FANCD2: variants seen among roughly 807,000 people sequenced by gnomAD.
The protein encoded by FANCD2 is FA complementation group D2.
A neutral mutation model predicts 192.3 loss-of-function variants in FANCD2; 131 were observed. The ratio of observed to expected loss-of-function variants is 0.68; its 90% CI spans 0.59 to 0.79. The LOEUF (loss-of-function observed/expected upper bound fraction) is 0.79, where lower values mean the gene tolerates loss of function less well. FANCD2 is among the 30% of genes least tolerant of loss of function. FANCD2 has a pLI of 0.00. For synonymous variants in FANCD2, 524 were observed against 612.5 expected (o/e 0.86, Z 2.13); for missense variants, 1,508 against 1,701.6 (o/e 0.89, Z 2.00).
At chr3:10,098,867 A>G (rs1460832556) in intron 43 of FANCD2, 52 bp downstream of exon 43, 2 of 1,614,168 alleles carry the variant, frequency 1.2e-6, no homozygotes, top group South Asian at 2.2e-5. Context: ...CATTTTGTTA[A>G]TTGTTCTAAG....
At chr3:10,064,081 T>C (rs2087645511) in intron 21 of FANCD2, among the ~76,000 whole-genome samples, 170 bp downstream of exon 21, 1 of 152,210 alleles carries the variant, frequency 6.6e-6, no homozygotes, top group African/African-American at 2.4e-5. Context: ...CTCTGAGGGC[T>C]CCTTCACTTA....
chr3:10,035,412 C>T (rs1023440286), intron 6 of FANCD2, among the ~76,000 whole-genome samples, 179 bp downstream of exon 6: 1 of 152,180 alleles, frequency 6.6e-6, no homozygotes, highest in Non-Finnish European at 1.5e-5. Context: ...TGTTTTAAAA[C>T]TGTGCTTATT....
chr3:10,040,374 G>C (rs772312489), intron 9 of FANCD2: 1 of 413,572 alleles, frequency 2.4e-6, no homozygotes, highest in Non-Finnish European at 4.8e-6. Flanking sequence ...TGTTATGAGC[G>C]TGAAGTCTGG....
At chr3:10,069,912 C>T (rs1693091729) in intron 26 of FANCD2, among the ~76,000 whole-genome samples, 1 of 151,980 alleles carries the variant, frequency 6.6e-6, no homozygotes, top group African/African-American at 2.4e-5. Flanking sequence ...AGCGTCTCTG[C>T]CTGGCCGCCC....
At position 10,074,646 on chromosome 3, in the gene FANCD2, C is replaced by T. The variant is rs1011595541; in HGVS notation, c.2832C>T (p.Phe944=). Residue 944 remains phenylalanine (F), a synonymous_variant, in exon 29 of 44, where the codon TTC becomes TTT. Transcript: ENST00000675286. Reference sequence around the variant, plus strand: ...TACATTGTGGACTTGTGACGAAGTTCATCTTAGATACTGAAATGCACACTG... The same window carrying T: ...TACATTGTGGACTTGTGACGAAGTTTATCTTAGATACTGAAATGCACACTG... ...SILHCGLVTK[F]ILDTEMHTEA... is the part of the protein sequence containing the mutation. 6.2e-7 allele frequency: 1 copy of T among 1,613,644 alleles called. No homozygotes were observed. The highest frequency in any genetic ancestry group is 1.3e-5 in the African/African-American group (1 of 74,886).
chr3:10,051,405 AAACAAAAAG>A lies in FANCD2; in HGVS notation c.1546-981_1546-973del, dbSNP rs1458347350. On this transcript the variant is annotated intron_variant, in intron 17 of 43. Coordinates refer to ENST00000675286, the MANE Select transcript of FANCD2 (RefSeq NM_001018115.3). The stretch of plus-strand genomic sequence containing the variant: ...CAAAAAAAAAAAAAAAAAAAAAAAA[AAACAAAAAG>A]GAGTGAGGGATTTATCTCCCAGTGT... Among the ~76,000 whole-genome samples, 21 of 10,376 alleles carry A rather than the reference AAACAAAAAG, an allele frequency of 2.0e-3. 3 individuals carry two copies. The African/African-American group carries it at 0.021, about 11-fold the overall frequency. 6.8% of individuals were successfully genotyped at this position (10,376 alleles called of 152,430 possible). A position where few individuals can be genotyped will look rare whatever the true frequency, so the allele number is the denominator to read the frequency against.
chr3:10,093,368 G>T, intron 39 of FANCD2, 45 bp downstream of exon 39: 1 of 1,495,604 alleles, frequency 6.7e-7, no homozygotes, highest in Non-Finnish European at 9.3e-7. Flanking sequence ...TCTTCCTGTG[G>T]ATCACTCTAG....
At chr3:10,099,996 G>C (rs1296870310) in intron 43 of FANCD2, among the ~76,000 whole-genome samples, 2 of 152,010 alleles carry the variant, frequency 1.3e-5, no homozygotes, top group African/African-American at 4.8e-5. Context: ...AGAATTTCAA[G>C]ACCAACCCGA....
chr3:10,078,295 T>G (rs2125054921), intron 30 of FANCD2, 98 bp downstream of exon 30: 3 of 794,982 alleles, frequency 3.8e-6, no homozygotes, highest in East Asian at 2.5e-5. Context: ...GCATTGTGTT[T>G]GGGTCACTGG....
In FANCD2 at chr3:10,062,177, A is replaced by G; in HGVS notation, c.1793A>G (p.Glu598Gly). Residue 598 changes from glutamate (E) to glycine (G), a missense_variant, in exon 20 of 44, where the codon GAG becomes GGG. Physicochemically the swap from Glu to Gly is moderately conservative, Grantham distance 98 (BLOSUM62 -2). Transcript: ENST00000675286. The stretch of plus-strand genomic sequence containing the variant: ...AGTGAATCACCTAGTTTGACCCAAG[A>G]GAGAGCCAACCTGAGCGATGAGCAG... ...DRSESPSLTQ[E>G]RANLSDEQCT... 6.2e-7 allele frequency: 1 copy of G among 1,613,276 alleles called. No individual in the cohort carries two copies. The highest frequency in any genetic ancestry group is 8.5e-7 in the Non-Finnish European group (1 of 1,179,628).
intron 26 of FANCD2, among the ~76,000 whole-genome samples, chr3:10,071,762 T>G (rs565703707): frequency 1.3e-5 from 2 of 152,242 alleles, no homozygotes; most frequent in South Asian, 4.2e-4. Flanking sequence ...TAAGATCTAG[T>G]TGTTTTTGTA....
intron 17 of FANCD2, among the ~76,000 whole-genome samples, chr3:10,050,067 A>C (rs2087150411): frequency 6.6e-6 from 1 of 152,228 alleles, no homozygotes; most frequent in Non-Finnish European, 1.5e-5. Context: ...CCCATGTTGC[A>C]AAGAGTCTCA....
chr3:10,033,238 T>C (rs2086646462), intron 3 of FANCD2, among the ~76,000 whole-genome samples: 1 of 152,086 alleles, frequency 6.6e-6, no homozygotes, highest in South Asian at 2.1e-4. Context: ...ACGTCTCTAC[T>C]AAAATATAAA....
At chr3:10,042,697 GCA>G in intron 11 of FANCD2, 34 bp downstream of exon 11, 1 of 1,538,760 alleles carries the variant, frequency 6.5e-7, no homozygotes. Flanking sequence ...CCTAGATAAA[GCA>G]ACTTAAGTGC....
chr3:10,064,317 C>G, intron 21 of FANCD2, 39 bp from the exon 22 acceptor site: 1 of 1,348,174 alleles, frequency 7.4e-7, no homozygotes, highest in Non-Finnish European at 1.1e-6. Context: ...ACAGCAAGTA[C>G]ACTCTGCACT....
chr3:10,066,925 A>G (rs546426417), intron 25 of FANCD2, among the ~76,000 whole-genome samples: 16 of 152,130 alleles, frequency 1.1e-4, no homozygotes, highest in African/African-American at 3.6e-4. Flanking sequence ...GGCTTTCACC[A>G]TGTTGGCCAG....
intron 14 of FANCD2, among the ~76,000 whole-genome samples, chr3:10,046,246 G>A (rs1209743976): frequency 6.6e-6 from 1 of 151,486 alleles, no homozygotes; most frequent in African/African-American, 2.4e-5. Context: ...GTAGAGACGG[G>A]GTTTCACCGT....
intron 30 of FANCD2, among the ~76,000 whole-genome samples, chr3:10,080,076 A>G (rs1039943466): frequency 2.6e-5 from 4 of 151,860 alleles, no homozygotes; most frequent in Non-Finnish European, 2.9e-5. Context: ...CACCACACCC[A>G]GCTAATTTTT....
chr3:10,043,687 C>T (rs1312313370), intron 13 of FANCD2, 95 bp downstream of exon 13: 1 of 1,336,584 alleles, frequency 7.5e-7, no homozygotes, highest in Non-Finnish European at 1.1e-6. Flanking sequence ...AATCTCAAAA[C>T]TCATTCAAGT....
Sources: allele counts gnomAD v4.1 joint callset (sites outside exome capture counted in the v4.1 genomes callset), GRCh38; gene constraint gnomAD v4.1.1; transcripts MANE v1.5; gene names NCBI Gene and HGNC (gene_info 2026-07-23, HGNC 2026-07-21).